HHLA2: variants seen among roughly 807,000 people sequenced by gnomAD.
HHLA2 encodes the protein HERV-H LTR-associating protein 2.
HHLA2 carries 48 observed loss-of-function variants against 45.9 expected under a neutral mutation model. The observed-to-expected ratio is 1.05, with a 90% confidence interval of 0.83 to 1.33. The LOEUF (loss-of-function observed/expected upper bound fraction) is 1.33. Ranked by LOEUF, HHLA2 falls within the 40% of genes most tolerant of loss-of-function variation. The probability of loss-of-function intolerance (pLI) is 0.00; values close to 1 mark genes in which losing one functional copy is unlikely to be tolerated. For synonymous variants in HHLA2, 161 were observed against 173.9 expected, an observed-to-expected ratio of 0.93 and a Z score of 0.59; for missense variants, 462 against 494.3, an observed-to-expected ratio of 0.93 and a Z score of 0.62.
intron 1 of HHLA2, among the ~76,000 whole-genome samples, chr3:108,308,208 A>T (rs545509630): frequency 9.2e-4 from 140 of 152,240 alleles, no homozygotes; most frequent in Non-Finnish European, 1.8e-3. Context: ...CTCCAGGCCC[A>T]TGAGTTTAAT....
At chr3:108,327,624 T>G (rs1242756645) in intron 2 of HHLA2, among the ~76,000 whole-genome samples, 2 of 152,224 alleles carry the variant, frequency 1.3e-5, no homozygotes, top group Non-Finnish European at 2.9e-5. Flanking sequence ...TTCCCAGTTC[T>G]TGTAGTTTCT....
Position 108,352,013 on chromosome 3 carries a change from G to C in HHLA2, c.64+136G>C, listed in dbSNP as rs370074856. On this transcript the variant is annotated intron_variant, in intron 4 of 10. Coordinates refer to ENST00000619531, the Ensembl canonical transcript of HHLA2. ...TAAATCATCAGTTAATCAGAAGCAA[G>C]GAACAGGCTGGAAGTCTGCATGAAG... The C allele has an allele frequency of 1.5e-4, 89 of 592,990 alleles. 1 individual carries two copies. The highest frequency in any genetic ancestry group is 9.3e-4 in the East Asian group (32 of 34,286). The allele number at this position is 592,990 out of a possible 1,614,324, so 36.7% of individuals were successfully genotyped here.
chr3:108,326,044 C>A, intron 2 of HHLA2: 1 of 299,894 alleles, frequency 3.3e-6, no homozygotes, highest in South Asian at 4.0e-5. Flanking sequence ...CTCAGTCAGT[C>A]ATGATTTCAG....
chr3:108,325,637 A>C (rs1325081411), intron 2 of HHLA2: 2 of 241,668 alleles, frequency 8.3e-6, no homozygotes, highest in Admixed American at 4.7e-5. Flanking sequence ...TCGTAGGCCC[A>C]AAATTTGAAG....
chr3:108,364,104 A>G (rs1196905275), intron 8 of HHLA2, among the ~76,000 whole-genome samples: 1 of 151,632 alleles, frequency 6.6e-6, no homozygotes, highest in African/African-American at 2.4e-5. Flanking sequence ...TTTAAGCACC[A>G]CATACATTAG....
intron 4 of HHLA2, among the ~76,000 whole-genome samples, chr3:108,352,460 C>A (rs568545015): frequency 1.3e-5 from 2 of 152,302 alleles, no homozygotes; most frequent in African/African-American, 4.8e-5. Flanking sequence ...GCCACTTGGG[C>A]ACGCAGTTCT....
chr3:108,377,402 A>G (rs986662095), exon 11 of HHLA2: 4 of 688,338 alleles, frequency 5.8e-6, no homozygotes, highest in African/African-American at 3.6e-5. Context: ...ACCACTGCAA[A>G]GAGTTGTAAC....
intron 1 of HHLA2, among the ~76,000 whole-genome samples, chr3:108,308,234 A>G (rs1212509050): frequency 1.3e-5 from 2 of 152,112 alleles, no homozygotes; most frequent in Non-Finnish European, 2.9e-5. Context: ...TGATTTTTAG[A>G]TCCAACAAAC....
At chr3:108,336,816 AG>A (rs990220670) in intron 3 of HHLA2, among the ~76,000 whole-genome samples, 3 of 151,388 alleles carry the variant, frequency 2.0e-5, no homozygotes, top group Non-Finnish European at 4.4e-5. Flanking sequence ...AAAAAAAATG[AG>A]GGGCCGGCCA....
intron 3 of HHLA2, among the ~76,000 whole-genome samples, chr3:108,331,490 G>A (rs985961376): frequency 1.3e-5 from 2 of 152,026 alleles, no homozygotes; most frequent in Admixed American, 1.3e-4. Context: ...AAACACTTTA[G>A]TACACATAGC....
exon 11 of HHLA2, chr3:108,377,317 C>T: frequency 1.3e-6 from 2 of 1,511,098 alleles, no homozygotes; most frequent in Non-Finnish European, 9.2e-7. Flanking sequence ...GACCTGCATC[C>T]TTAATATCCA....
intron 3 of HHLA2, among the ~76,000 whole-genome samples, chr3:108,345,214 G>A (rs149098492): frequency 1.1e-3 from 169 of 152,332 alleles, no homozygotes; most frequent in Middle Eastern, 3.4e-3. Context: ...AGGGAGCTCT[G>A]GGCTACAGGA....
chr3:108,313,854 G>A (rs372524498), intron 2 of HHLA2, among the ~76,000 whole-genome samples: 1 of 152,150 alleles, frequency 6.6e-6, no homozygotes, highest in East Asian at 1.9e-4. Flanking sequence ...CGTGGAAATC[G>A]AAGCTAAGAG....
intron 1 of HHLA2, among the ~76,000 whole-genome samples, chr3:108,303,739 T>C (rs2107287215): frequency 6.6e-6 from 1 of 152,322 alleles, no homozygotes; most frequent in Middle Eastern, 3.4e-3. Flanking sequence ...TTATGTAGCA[T>C]GTCAGTTTTT....
exon 11 of HHLA2, chr3:108,377,531 A>T (rs2082295325): frequency 2.1e-6 from 1 of 477,676 alleles, no homozygotes; most frequent in African/African-American, 2.0e-5. Flanking sequence ...AACTTTGAAA[A>T]GAACTGTCTC....
chr3:108,357,541 G>A (rs2081915780), intron 6 of HHLA2, among the ~76,000 whole-genome samples: 1 of 151,922 alleles, frequency 6.6e-6, no homozygotes, highest in Admixed American at 6.5e-5. Context: ...CTAGTAACTG[G>A]TAGCAACATT....
Position 108,376,478 on chromosome 3 carries a change from T to C in HHLA2, c.1160-15T>C. 1.1e-5 allele frequency: 17 copies of C among 1,590,784 alleles called. No individual in the cohort carries two copies. Among genetic ancestry groups the C allele is most frequent in the Non-Finnish European group, 1.5e-5 (17 of 1,171,164 alleles). On this transcript the variant is annotated splice_polypyrimidine_tract_variant and intron_variant, in intron 9 of 10. Coordinates refer to ENST00000619531, the Ensembl canonical transcript of HHLA2. ...CAAAGAAATTATTTTTAAGTTCTCT[T>C]TTTTTTTCCTGTAGAAAGATGTTGT... is the stretch of plus-strand genomic sequence containing the variant.
intron 2 of HHLA2, among the ~76,000 whole-genome samples, chr3:108,321,683 A>G (rs1462737460): frequency 7.2e-5 from 11 of 152,036 alleles, no homozygotes. Flanking sequence ...TTTCAGTAAT[A>G]GCAATTCATT....
intron 8 of HHLA2, among the ~76,000 whole-genome samples, chr3:108,363,282 G>C (rs564443266): frequency 1.3e-5 from 2 of 152,264 alleles, no homozygotes; most frequent in South Asian, 4.2e-4. Flanking sequence ...TAAGTGCCAA[G>C]TAGGCATGTG....
Sources: gnomAD v4.1 joint callset for allele counts (sites outside exome capture counted in the v4.1 genomes callset) on GRCh38, gnomAD v4.1.1 for gene constraint, MANE v1.5 for transcripts, NCBI Gene and HGNC (gene_info 2026-07-23, HGNC 2026-07-21) for gene names.